TENM1: variants seen among roughly 807,000 people sequenced by gnomAD.
TENM1 encodes teneurin-1.
A neutral mutation model predicts 174.8 loss-of-function variants in TENM1; 35 were observed. The ratio of observed to expected loss-of-function variants is 0.20; its 90% CI spans 0.15 to 0.27. The LOEUF (loss-of-function observed/expected upper bound fraction) is 0.27, where lower values mean the gene tolerates loss of function less well. Among genes scored for constraint, TENM1 ranks in the 10% least tolerant of loss-of-function variants. The pLI, the probability that TENM1 is intolerant of heterozygous loss-of-function variation, is 1.00. For synonymous variants in TENM1, 781 were observed against 798.7 expected (o/e 0.98, Z 0.37); for missense variants, 1,633 against 2,130.1 (o/e 0.77, Z 4.59).
intron 6 of TENM1, among the ~76,000 whole-genome samples, chrX:124,670,439 A>G (rs1425337649): frequency 9.0e-6 from 1 of 111,297 alleles, no homozygotes; most frequent in East Asian, 2.8e-4. Context: ...AGTGTGGCAG[A>G]CTTTCTTATC....
chrX:124,645,182 T>G, exon 10 of TENM1: 3 of 1,211,645 alleles, frequency 2.5e-6, no homozygotes, highest in Non-Finnish European at 3.4e-6. Flanking sequence ...GGCACACAGA[T>G]GCAGACTCCC....
intron 3 of TENM1, among the ~76,000 whole-genome samples, chrX:124,807,881 ACACACACACACACAC>A (rs2055651855): frequency 1.5e-4 from 2 of 13,675 alleles, no homozygotes; most frequent in African/African-American, 3.2e-4. Context: ...AATCACTTAC[ACACACACACACACAC>A]ACACACACAC....
chrX:125,044,223 T>TA, the TENM1 span, among the ~76,000 whole-genome samples: 1,635 of 75,285 alleles, frequency 0.022, 50 homozygotes, highest in African/African-American at 0.077. Context: ...AAAAAAAAAA[T>TA]AAAAAAAAAA....
intron 8 of TENM1, among the ~76,000 whole-genome samples, chrX:124,649,946 A>C (rs1428289123): frequency 1.8e-5 from 2 of 110,766 alleles, no homozygotes; most frequent in Non-Finnish European, 1.9e-5. Context: ...TCATGCCTGT[A>C]ATCCCAGCAA....
chrX:124,980,212 TA>T, the TENM1 span, among the ~76,000 whole-genome samples: 7 of 110,223 alleles, frequency 6.4e-5, no homozygotes, highest in African/African-American at 2.0e-4. Flanking sequence ...TCTTTAATAA[TA>T]AAAAAAAGTC....
At chrX:124,489,061 T>C (rs945914517) in intron 20 of TENM1, among the ~76,000 whole-genome samples, 1 of 112,480 alleles carries the variant, frequency 8.9e-6, no homozygotes, top group Non-Finnish European at 1.9e-5. Flanking sequence ...GAATTACTTT[T>C]CGTTAAGGAT....
At chrX:124,833,681 A>C (rs772469637) in intron 3 of TENM1, among the ~76,000 whole-genome samples, 1 of 111,481 alleles carries the variant, frequency 9.0e-6, no homozygotes, top group Admixed American at 9.6e-5. Flanking sequence ...TTTTTCTCTT[A>C]TTACTGAGAA....
the TENM1 span, among the ~76,000 whole-genome samples, chrX:125,141,565 C>T: frequency 9.0e-6 from 1 of 110,547 alleles, no homozygotes; most frequent in Admixed American, 9.7e-5. Flanking sequence ...GAGAGGAGGA[C>T]CCATATCTCT....
the TENM1 span, among the ~76,000 whole-genome samples, chrX:125,002,046 C>T: frequency 9.1e-6 from 1 of 110,319 alleles, no homozygotes; most frequent in African/African-American, 3.3e-5. Context: ...AATGACTCAA[C>T]TGATCACAAA....
At chrX:124,993,864 C>G in the TENM1 span, among the ~76,000 whole-genome samples, 3 of 110,691 alleles carry the variant, frequency 2.7e-5, no homozygotes, top group Admixed American at 2.9e-4. Flanking sequence ...ACACACACAG[C>G]ATCTCCATTA....
At chrX:125,086,950 T>G in the TENM1 span, among the ~76,000 whole-genome samples, 1 of 111,523 alleles carries the variant, frequency 9.0e-6, no homozygotes, top group African/African-American at 3.2e-5. Context: ...TGATTAAATA[T>G]TCAAAAGGAA....
chrX:124,996,965 A>AC, the TENM1 span, among the ~76,000 whole-genome samples: 6 of 111,758 alleles, frequency 5.4e-5, no homozygotes, highest in East Asian at 1.4e-3. Flanking sequence ...GAAAACTTCC[A>AC]AAGAAAGGGT....
At chrX:124,673,513 T>C (rs1467306677) in intron 5 of TENM1, among the ~76,000 whole-genome samples, 4 of 111,554 alleles carry the variant, frequency 3.6e-5, no homozygotes, top group Non-Finnish European at 5.7e-5. Flanking sequence ...AGTAGTAGTA[T>C]GGAGAAGAAT....
intron 25 of TENM1, among the ~76,000 whole-genome samples, chrX:124,408,882 A>C (rs1469287568): frequency 1.2e-5 from 1 of 83,849 alleles, no homozygotes; most frequent in East Asian, 3.9e-4. Flanking sequence ...ATGTGTTCTC[A>C]TTGTTCAATT....
At chrX:125,151,872 T>C in the TENM1 span, among the ~76,000 whole-genome samples, 4 of 111,884 alleles carry the variant, frequency 3.6e-5, no homozygotes, top group Admixed American at 3.8e-4. Context: ...ATGTCAATAG[T>C]GTCTATGTGG....
chrX:125,046,075 C>A, the TENM1 span, among the ~76,000 whole-genome samples: 4 of 111,343 alleles, frequency 3.6e-5, no homozygotes, highest in African/African-American at 1.3e-4. Context: ...AATATTTAAA[C>A]ATTTCCAATC....
At chrX:124,916,530 C>T (rs2057928091) in intron 1 of TENM1, among the ~76,000 whole-genome samples, 1 of 111,245 alleles carries the variant, frequency 9.0e-6, no homozygotes, top group Admixed American at 9.6e-5. Context: ...CCAGGCTGGT[C>T]TCAAACTCCT....
intron 22 of TENM1, among the ~76,000 whole-genome samples, chrX:124,457,803 A>T: frequency 8.9e-6 from 1 of 112,052 alleles, no homozygotes. Flanking sequence ...GGCAGAAGGC[A>T]TCTCTGTACT....
At chrX:124,906,595 T>A (rs1026913455) in intron 1 of TENM1, among the ~76,000 whole-genome samples, 70 of 111,808 alleles carry the variant, frequency 6.3e-4, no homozygotes, top group African/African-American at 2.2e-3. Flanking sequence ...TAAAATCACA[T>A]GTCCTTACAA....
Sources: gnomAD v4.1 joint callset for allele counts (sites outside exome capture counted in the v4.1 genomes callset) on GRCh38, gnomAD v4.1.1 for gene constraint, MANE v1.5 for transcripts, NCBI Gene and HGNC (gene_info 2026-07-23, HGNC 2026-07-21) for gene names.